Variants in METAP2 observed in about 807,000 individuals in gnomAD.
METAP2 encodes the protein methionyl aminopeptidase 2, also known as methionine aminopeptidase 2.
Under a neutral mutation model 59.4 loss-of-function variants are expected in METAP2, and 25 were observed. The observed-to-expected ratio is 0.42, with a 90% CI of 0.31 to 0.59. METAP2 has a LOEUF of 0.59. Among genes scored for constraint, METAP2 ranks in the 20% least tolerant of loss-of-function variants. The probability of loss-of-function intolerance (pLI) is 0.16; values close to 1 mark genes in which losing one functional copy is unlikely to be tolerated. For missense variants in METAP2, 366 were observed against 581.2 expected (o/e 0.63, Z 3.81); for synonymous variants, 214 against 194.1 (o/e 1.10, Z -0.85).
intron 7 of METAP2, among the ~76,000 whole-genome samples, chr12:95,501,824 T>C (rs558132579): frequency 3.3e-5 from 5 of 151,974 alleles, no homozygotes; most frequent in African/African-American, 1.2e-4. Context: ...TTGGCCTTTT[T>C]TTTTTTACTT....
At chr12:95,499,844 CCTT>C (rs2076302207) in intron 7 of METAP2, among the ~76,000 whole-genome samples, 1 of 152,192 alleles carries the variant, frequency 6.6e-6, no homozygotes, top group Non-Finnish European at 1.5e-5. Flanking sequence ...AAAGCAAAGA[CCTT>C]CTTCACATGG....
chr12:95,499,384 T>C (rs2076299253), intron 7 of METAP2, among the ~76,000 whole-genome samples: 2 of 152,260 alleles, frequency 1.3e-5, no homozygotes, highest in South Asian at 4.2e-4. Context: ...CAAGCAGTCC[T>C]CCTGCCTCAG....
At chr12:95,497,783 G>A (rs2076285740) in intron 7 of METAP2, among the ~76,000 whole-genome samples, 1 of 151,888 alleles carries the variant, frequency 6.6e-6, no homozygotes, top group South Asian at 2.1e-4. Flanking sequence ...TTAATCTTTG[G>A]AGAAATGTCT....
chr12:95,474,454 A>G (rs528908448), intron 1 of METAP2, 124 bp downstream of exon 1: 245 of 1,026,212 alleles, frequency 2.4e-4, no homozygotes, highest in Non-Finnish European at 2.2e-4. Context: ...TGGGCCTGAC[A>G]GGGTGGCAAA....
chr12:95,479,532 A>G (rs771360433), intron 2 of METAP2, among the ~76,000 whole-genome samples: 2 of 152,174 alleles, frequency 1.3e-5, no homozygotes, highest in African/African-American at 2.4e-5. Context: ...GTCATCTGAC[A>G]GTGTGCTGGA....
chr12:95,493,095 T>C (rs1191036182), intron 4 of METAP2, among the ~76,000 whole-genome samples: 1 of 152,152 alleles, frequency 6.6e-6, no homozygotes, highest in Non-Finnish European at 1.5e-5. Flanking sequence ...GTGTGAAAAT[T>C]GTTTAGATTT....
intron 4 of METAP2, among the ~76,000 whole-genome samples, chr12:95,490,737 G>C (rs762217561): frequency 6.6e-6 from 1 of 152,018 alleles, no homozygotes; most frequent in Non-Finnish European, 1.5e-5. Flanking sequence ...TCCACTTGAG[G>C]TTCTCATTGC....
intron 5 of METAP2, among the ~76,000 whole-genome samples, chr12:95,494,632 C>T (rs2076263707): frequency 6.6e-6 from 1 of 152,126 alleles, no homozygotes; most frequent in South Asian, 2.1e-4. Flanking sequence ...CTGATTCCTA[C>T]AATTTAAAAA....
intron 7 of METAP2, among the ~76,000 whole-genome samples, chr12:95,500,922 A>C (rs2076310223): frequency 6.6e-6 from 1 of 151,166 alleles, no homozygotes; most frequent in African/African-American, 2.4e-5. Context: ...GGTTTTTAGA[A>C]AAGTTTGAGG....
At chr12:95,490,172 GC>G (rs1411632399) in intron 4 of METAP2, among the ~76,000 whole-genome samples, 1 of 149,372 alleles carries the variant, frequency 6.7e-6, no homozygotes, top group African/African-American at 2.5e-5. Flanking sequence ...TGTGATCATA[GC>G]CCACTGTAGC....
intron 7 of METAP2, among the ~76,000 whole-genome samples, chr12:95,497,235 C>T (rs56193615): frequency 6.6e-6 from 1 of 152,144 alleles, no homozygotes. Flanking sequence ...ACTCTATACT[C>T]ATTAAACAGT....
chr12:95,495,240 T>C (rs2076268074), intron 6 of METAP2, 102 bp downstream of exon 6: 4 of 992,494 alleles, frequency 4.0e-6, no homozygotes, highest in South Asian at 4.1e-5. Flanking sequence ...AATTTTGTTC[T>C]TGCTTCCTCA....
intron 4 of METAP2, among the ~76,000 whole-genome samples, chr12:95,486,200 TAAA>T (rs1041159802): frequency 9.2e-5 from 14 of 152,162 alleles, no homozygotes; most frequent in African/African-American, 2.7e-4. Context: ...GATCACAAAA[TAAA>T]AATTCTTGTA....
At chr12:95,482,261 A>G (rs2076164228) in intron 2 of METAP2, 1 of 404,744 alleles carries the variant, frequency 2.5e-6, no homozygotes, top group South Asian at 1.7e-5. Flanking sequence ...ATGGGCGCAT[A>G]CCACCACACC....
At chr12:95,483,787 G>A (rs999672918) in intron 3 of METAP2, among the ~76,000 whole-genome samples, 4 of 152,122 alleles carry the variant, frequency 2.6e-5, no homozygotes, top group Non-Finnish European at 5.9e-5. Flanking sequence ...AAGAATGGCC[G>A]AAGTGGTGCC....
At chr12:95,474,481 C>T in intron 1 of METAP2, 151 bp downstream of exon 1, 1 of 797,554 alleles carries the variant, frequency 1.3e-6, no homozygotes, top group Non-Finnish European at 1.9e-6. Flanking sequence ...CTATAGATTC[C>T]TAGTCTGAGA....
rs544904159 is a variant in METAP2, at chr12:95,490,765, A to G, written c.429-3291A>G. 2.6e-5 allele frequency among the ~76,000 whole-genome samples: 4 copies of G among 152,160 alleles called. No individual in the cohort carries two copies. The South Asian group carries it at 6.2e-4, about 24-fold the overall frequency. On this transcript the variant is annotated intron_variant, in intron 4 of 10. Coordinates refer to ENST00000323666, the MANE Select transcript of METAP2 (RefSeq NM_006838.4). ...CTCATTGCATATGGTTAGAGGCCTC[A>G]CCTTTTTCTCTTTCTCTTCAGTGCC...
rs1218784319 is a variant in METAP2, at chr12:95,511,308, G to GTACCTCCTTA, written c.965-576_965-567dup. On this transcript the variant is annotated intron_variant, in intron 8 of 10. Transcript: ENST00000323666. Reference sequence around the variant, plus strand: ...CATGGCATTTTATTTGTTGTTAACAGTACCTCCTTATACCTCCTTAGATGA... The same window carrying GTACCTCCTTA: ...CATGGCATTTTATTTGTTGTTAACAGTACCTCCTTATACCTCCTTATACCTCCTTAGATGA... Among the ~76,000 whole-genome samples the GTACCTCCTTA allele has an allele frequency of 2.2e-4, 33 of 149,146 alleles. 1 individual carries two copies. The highest frequency in any genetic ancestry group is 6.9e-4 in the African/African-American group (28 of 40,536).
intron 1 of METAP2, 145 bp downstream of exon 1, chr12:95,474,475 A>G: frequency 2.4e-6 from 2 of 828,386 alleles, no homozygotes; most frequent in Non-Finnish European, 3.7e-6. Context: ...GCCGGGCTAT[A>G]GATTCCTAGT....
Sources: allele counts gnomAD v4.1 joint callset (sites outside exome capture counted in the v4.1 genomes callset), GRCh38; gene constraint gnomAD v4.1.1; transcripts MANE v1.5; gene names NCBI Gene and HGNC (gene_info 2026-07-23, HGNC 2026-07-21).